PDE7A: variants seen among roughly 807,000 people sequenced by gnomAD.
PDE7A encodes high affinity 3',5'-cyclic-AMP phosphodiesterase 7A.
In PDE7A, 39 loss-of-function variants were observed where a neutral mutation model predicts 64.3. The ratio of observed to expected loss-of-function variants is 0.61; its 90% CI spans 0.47 to 0.79. The LOEUF (loss-of-function observed/expected upper bound fraction) is 0.79. PDE7A is among the 30% of genes least tolerant of loss of function. The pLI, the probability that PDE7A is intolerant of heterozygous loss-of-function variation, is 0.00. For missense variants in PDE7A, 470 were observed against 582.8 expected, an observed-to-expected ratio of 0.81 and a Z score of 1.99; for synonymous variants, 203 against 206.8, an observed-to-expected ratio of 0.98 and a Z score of 0.16.
chr8:65,809,242 A>G (rs532063403), intron 1 of PDE7A, among the ~76,000 whole-genome samples: 1 of 152,348 alleles, frequency 6.6e-6, no homozygotes, highest in African/African-American at 2.4e-5. Context: ...CCACTGCTTC[A>G]TTACATAAAC....
At chr8:65,739,644 C>T in intron 5 of PDE7A, 47 bp from the exon 6 acceptor site, 1 of 1,418,886 alleles carries the variant, frequency 7.0e-7, no homozygotes, top group Non-Finnish European at 9.3e-7. Context: ...TACAAGTCAA[C>T]ACAATTATAT....
At chr8:65,725,098 A>AT (rs1356056028) in intron 9 of PDE7A, among the ~76,000 whole-genome samples, 177 bp from the exon 10 acceptor site, 3 of 152,190 alleles carry the variant, frequency 2.0e-5, no homozygotes, top group Admixed American at 6.5e-5. Flanking sequence ...AAAAAAAGCC[A>AT]TTAAAATAAC....
In PDE7A at chr8:65,730,171, C is replaced by CTTCTTTTT. The variant is rs1295965698; in HGVS notation, c.697-2871_697-2870insAAAAAGAA. ...TGTGAGGGATCCAGGTTGCGCACTT[C>CTTCTTTTT]TTTTTTTTTTTTTTTTTTTTTTTTT... is the stretch of plus-strand genomic sequence containing the variant. On this transcript the variant is annotated intron_variant, in intron 7 of 12. Transcript: ENST00000401827. Among the ~76,000 whole-genome samples the CTTCTTTTT allele has an allele frequency of 1.4e-3, 118 of 86,436 alleles. 15 individuals carry two copies. Among genetic ancestry groups the CTTCTTTTT allele is most frequent in the South Asian group, 3.3e-3 (7 of 2,108 alleles). 56.7% of individuals were successfully genotyped at this position (86,436 alleles called of 152,430 possible).
chr8:65,824,797 C>T (rs1231071069), intron 1 of PDE7A, among the ~76,000 whole-genome samples: 2 of 152,196 alleles, frequency 1.3e-5, no homozygotes, highest in East Asian at 3.8e-4. Context: ...GACTACAGTA[C>T]AGCGCAAACA....
intron 1 of PDE7A, among the ~76,000 whole-genome samples, chr8:65,785,334 T>C (rs1424722715): frequency 6.6e-6 from 1 of 152,090 alleles, no homozygotes; most frequent in Non-Finnish European, 1.5e-5. Flanking sequence ...ATTCACAAAA[T>C]AAATAAAATT....
chr8:65,769,656 G>A (rs1412235951), intron 3 of PDE7A, among the ~76,000 whole-genome samples: 1 of 152,110 alleles, frequency 6.6e-6, no homozygotes, highest in Admixed American at 6.5e-5. Context: ...AGCACTTTGG[G>A]AGGCTGACGC....
At chr8:65,722,323 T>G (rs1031568268) in intron 12 of PDE7A, 11 of 152,286 alleles carry the variant, frequency 7.2e-5, no homozygotes, top group African/African-American at 2.7e-4. Context: ...CACTCTGAAG[T>G]CAAATCGGCC....
Position 65,747,774 on chromosome 8 carries a change from C to A in PDE7A, c.313G>T (p.Ala105Ser). 1 of 1,608,262 alleles carries A rather than the reference C, an allele frequency of 6.2e-7. No individual in the cohort carries two copies. The highest frequency in any genetic ancestry group is 8.5e-7 in the Non-Finnish European group (1 of 1,176,330). The part of the protein sequence containing the change: ...SQSEIEVSVS[A>S]RNIRRLLSFQ... ...CTTAGTAGCCTTCTGATATTCCTTG[C>A]AGAGACAGACACTTCAATTTCAGAT... is the stretch of plus-strand genomic sequence containing the variant. The change falls in exon 4 of 13, where the codon GCA (alanine) becomes TCA (serine). Residue 105 changes from alanine to serine, a missense_variant. Physicochemically the swap from Ala to Ser is moderately conservative, Grantham distance 99 (BLOSUM62 1). Coordinates refer to ENST00000401827, the MANE Select transcript of PDE7A (RefSeq NM_001242318.3).
chr8:65,764,888 T>A (rs1446595002), intron 3 of PDE7A, among the ~76,000 whole-genome samples: 1 of 152,184 alleles, frequency 6.6e-6, no homozygotes, highest in Non-Finnish European at 1.5e-5. Flanking sequence ...AGACACATGA[T>A]TCAACAGAAA....
chr8:65,722,411 A>G (rs1447107294), intron 12 of PDE7A: 2 of 152,260 alleles, frequency 1.3e-5, no homozygotes, highest in East Asian at 3.8e-4. Flanking sequence ...GCCCCATGGC[A>G]TGGTCTTCCT....
chr8:65,721,289 T>C (rs1217096471), intron 12 of PDE7A, among the ~76,000 whole-genome samples: 3 of 152,230 alleles, frequency 2.0e-5, no homozygotes, highest in African/African-American at 7.2e-5. Context: ...TTCAACAAAA[T>C]TAGTATTCCT....
intron 1 of PDE7A, among the ~76,000 whole-genome samples, chr8:65,793,356 A>G (rs1454936922): frequency 6.6e-6 from 1 of 152,212 alleles, no homozygotes; most frequent in Admixed American, 6.5e-5. Context: ...ATGCTGAATT[A>G]CAAAATTAAA....
intron 1 of PDE7A, among the ~76,000 whole-genome samples, chr8:65,840,445 C>T (rs370284980): frequency 1.1e-4 from 16 of 150,910 alleles, no homozygotes; most frequent in Non-Finnish European, 1.9e-4. Flanking sequence ...GCTCAAGATA[C>T]AATATAACTG....
intron 3 of PDE7A, 70 bp from the exon 4 acceptor site, chr8:65,747,873 C>T: frequency 2.3e-6 from 2 of 885,794 alleles, no homozygotes; most frequent in Non-Finnish European, 1.7e-6. Flanking sequence ...TGCAATACCA[C>T]TTTTAGTTAT....
At position 65,763,006 on chromosome 8, in the gene PDE7A, T is replaced by C. The variant is rs892897345; in HGVS notation, c.284-15203A>G. On this transcript the variant is annotated intron_variant, in intron 3 of 12. Coordinates refer to ENST00000401827, the MANE Select transcript of PDE7A (RefSeq NM_001242318.3). Reference sequence around the variant, plus strand: ...TATAAAAACAATGTGTGTGTGTGTGTGTGTGTGTGTGTGTGTGTGTGTGTG... The same window carrying C: ...TATAAAAACAATGTGTGTGTGTGTGCGTGTGTGTGTGTGTGTGTGTGTGTG... Among the ~76,000 whole-genome samples, 102 of 132,098 alleles carry C rather than the reference T, an allele frequency of 7.7e-4. 1 individual carries two copies. Among genetic ancestry groups the C allele is most frequent in the Non-Finnish European group, 1.3e-3 (73 of 55,656 alleles). 86.7% of individuals were successfully genotyped at this position (132,098 alleles called of 152,430 possible).
At chr8:65,752,877 A>G (rs1392503607) in intron 3 of PDE7A, among the ~76,000 whole-genome samples, 1 of 152,090 alleles carries the variant, frequency 6.6e-6, no homozygotes, top group African/African-American at 2.4e-5. Context: ...CACTATAACC[A>G]TTACTGTGTT....
chr8:65,729,320 T>C (rs933749704), intron 7 of PDE7A, among the ~76,000 whole-genome samples: 1 of 151,622 alleles, frequency 6.6e-6, no homozygotes, highest in Non-Finnish European at 1.5e-5. Flanking sequence ...GCCCTTATCA[T>C]TTCCCATTGT....
chr8:65,833,441 T>C (rs79540301), intron 1 of PDE7A, among the ~76,000 whole-genome samples: 6,715 of 152,232 alleles, frequency 0.044, 232 homozygotes, highest in African/African-American at 0.1. Context: ...CTAATCCACA[T>C]CCATAAGACA....
chr8:65,767,035 A>AACG (rs1393353307), intron 3 of PDE7A, among the ~76,000 whole-genome samples: 2 of 146,320 alleles, frequency 1.4e-5, no homozygotes, highest in Non-Finnish European at 3.0e-5. Flanking sequence ...CAACAACAAC[A>AACG]ACGCCTGGAC....
Sources: allele counts gnomAD v4.1 joint callset (sites outside exome capture counted in the v4.1 genomes callset), GRCh38; gene constraint gnomAD v4.1.1; transcripts MANE v1.5; gene names NCBI Gene and HGNC (gene_info 2026-07-23, HGNC 2026-07-21).